TMEM132D: variants seen among roughly 807,000 people sequenced by gnomAD.
TMEM132D encodes mature OL transmembrane protein.
Under a neutral mutation model 62.3 loss-of-function variants are expected in TMEM132D, and 21 were observed. The ratio of observed to expected loss-of-function variants is 0.34; its 90% CI spans 0.24 to 0.49. The LOEUF (loss-of-function observed/expected upper bound fraction) is 0.49, where lower values mean the gene tolerates loss of function less well. TMEM132D is among the 20% of genes least tolerant of loss of function. The pLI, the probability that TMEM132D is intolerant of heterozygous loss-of-function variation, is 0.99. For missense variants in TMEM132D, 1,346 were observed against 1,402.8 expected, an observed-to-expected ratio of 0.96 and a Z score of 0.65; for synonymous variants, 621 against 575.6, an observed-to-expected ratio of 1.08 and a Z score of -1.13.
chr12:129,368,977 G>A (rs1212054417), intron 3 of TMEM132D, among the ~76,000 whole-genome samples: 2 of 152,204 alleles, frequency 1.3e-5, no homozygotes, highest in East Asian at 1.9e-4. Context: ...AGGCTCAGCT[G>A]CCATCCTGTG....
intron 3 of TMEM132D, among the ~76,000 whole-genome samples, chr12:129,525,664 T>C (rs1876007818): frequency 6.6e-6 from 1 of 152,218 alleles, no homozygotes; most frequent in African/African-American, 2.4e-5. Flanking sequence ...AAGGCTGGCA[T>C]TGTTATGCCA....
intron 2 of TMEM132D, among the ~76,000 whole-genome samples, chr12:129,585,854 A>T (rs973585720): frequency 2.0e-5 from 3 of 150,304 alleles, no homozygotes; most frequent in Admixed American, 6.7e-5. Context: ...TGTGTGTGTG[A>T]GGGGGTATAT....
chr12:129,747,740 T>C (rs956464654), intron 1 of TMEM132D, among the ~76,000 whole-genome samples: 2 of 135,524 alleles, frequency 1.5e-5, no homozygotes, highest in Admixed American at 7.3e-5. Context: ...ACACACACAC[T>C]TGACACACAC....
At chr12:129,322,765 G>A (rs1868765697) in intron 4 of TMEM132D, among the ~76,000 whole-genome samples, 1 of 152,072 alleles carries the variant, frequency 6.6e-6, no homozygotes, top group South Asian at 2.1e-4. Context: ...ACAGTAAGAG[G>A]TGTGTAATAC....
At chr12:129,501,712 C>T (rs1875149146) in intron 3 of TMEM132D, among the ~76,000 whole-genome samples, 1 of 151,956 alleles carries the variant, frequency 6.6e-6, no homozygotes, top group South Asian at 2.1e-4. Flanking sequence ...TACCATGTTG[C>T]CCAGGCTGGT....
chr12:129,339,394 A>AGCAGCCG (rs1478795181), intron 3 of TMEM132D, among the ~76,000 whole-genome samples: 1 of 8,280 alleles, frequency 1.2e-4, no homozygotes, highest in Non-Finnish European at 3.4e-4. Flanking sequence ...AGAACCCCAA[A>AGCAGCCG]TCTCTTCCAT....
intron 4 of TMEM132D, among the ~76,000 whole-genome samples, chr12:129,256,704 G>GAGC (rs1880409725): frequency 1.3e-5 from 2 of 152,132 alleles, no homozygotes; most frequent in Non-Finnish European, 2.9e-5. Context: ...TTACAGGCGT[G>GAGC]CACCATCACG....
chr12:129,768,242 G>GA (rs776340883), intron 1 of TMEM132D, among the ~76,000 whole-genome samples: 63 of 152,150 alleles, frequency 4.1e-4, no homozygotes, highest in Non-Finnish European at 7.6e-4. Flanking sequence ...GCTAGAAGTA[G>GA]AATTGCTAGA....
intron 3 of TMEM132D, among the ~76,000 whole-genome samples, chr12:129,343,892 G>A (rs542096889): frequency 7.7e-4 from 117 of 152,252 alleles, no homozygotes; most frequent in Non-Finnish European, 1.5e-3. Flanking sequence ...GATCATGATC[G>A]TGCCACTGCA....
intron 2 of TMEM132D, among the ~76,000 whole-genome samples, chr12:129,607,067 CTTTCTTTT>C (rs1565920626): frequency 6.9e-6 from 1 of 144,884 alleles, no homozygotes. Context: ...TTCTTTCTTT[CTTTCTTTT>C]TTTTTTTTGA....
chr12:129,671,442 G>A (rs1880498531), intron 2 of TMEM132D, among the ~76,000 whole-genome samples: 1 of 152,176 alleles, frequency 6.6e-6, no homozygotes, highest in Non-Finnish European at 1.5e-5. Context: ...CCTAACCAGG[G>A]AAGGTTTTAT....
intron 1 of TMEM132D, among the ~76,000 whole-genome samples, chr12:129,747,196 T>TCCTTCTCCCTCCTCCCG (rs1869819328): frequency 7.9e-4 from 16 of 20,354 alleles, no homozygotes; most frequent in African/African-American, 8.8e-4. Context: ...CCCTCCTCCC[T>TCCTTCTCCCTCCTCCCG]CTCCTTCTTA....
chr12:129,144,925 T>C (rs1476943769), intron 5 of TMEM132D, among the ~76,000 whole-genome samples: 1 of 147,430 alleles, frequency 6.8e-6, no homozygotes, highest in African/African-American at 2.5e-5. Flanking sequence ...TATCTATCTA[T>C]CTACCTATCA....
chr12:129,472,945 A>G (rs1012858703), intron 3 of TMEM132D, among the ~76,000 whole-genome samples: 7 of 151,806 alleles, frequency 4.6e-5, no homozygotes, highest in African/African-American at 1.7e-4. Context: ...GCTCACTGCA[A>G]CCTCCTCCTC....
chr12:129,242,381 A>G (rs991337874), intron 4 of TMEM132D, among the ~76,000 whole-genome samples: 4 of 152,232 alleles, frequency 2.6e-5, no homozygotes, highest in African/African-American at 9.6e-5. Flanking sequence ...TTTTATGTCT[A>G]CGTAGACCTT....
At chr12:129,497,536 C>A (rs1874996723) in intron 3 of TMEM132D, among the ~76,000 whole-genome samples, 1 of 152,154 alleles carries the variant, frequency 6.6e-6, no homozygotes, top group African/African-American at 2.4e-5. Flanking sequence ...CTCCTTTAAC[C>A]TCTCTAATTA....
intron 3 of TMEM132D, among the ~76,000 whole-genome samples, chr12:129,510,707 T>C (rs961173493): frequency 6.6e-6 from 1 of 152,222 alleles, no homozygotes; most frequent in African/African-American, 2.4e-5. Context: ...CAAATCCATG[T>C]ACAATTGTTT....
At chr12:129,666,982 G>A (rs1444578102) in intron 2 of TMEM132D, among the ~76,000 whole-genome samples, 2 of 131,492 alleles carry the variant, frequency 1.5e-5, no homozygotes, top group African/African-American at 5.5e-5. Context: ...AAAGCAAAAA[G>A]GGTTTGTAAA....
At chr12:129,600,600 A>T (rs1294182273) in intron 2 of TMEM132D, among the ~76,000 whole-genome samples, 5 of 152,068 alleles carry the variant, frequency 3.3e-5, no homozygotes, top group Non-Finnish European at 7.4e-5. Context: ...AGCCAAAATT[A>T]CTCCTTGATC....
Sources: gnomAD v4.1 joint callset for allele counts (sites outside exome capture counted in the v4.1 genomes callset) on GRCh38, gnomAD v4.1.1 for gene constraint, MANE v1.5 for transcripts, NCBI Gene and HGNC (gene_info 2026-07-23, HGNC 2026-07-21) for gene names.